Variants in PDGFRL observed in about 807,000 individuals in gnomAD.
The protein encoded by PDGFRL is platelet-derived growth factor receptor-like protein.
Under a neutral mutation model 37.2 loss-of-function variants are expected in PDGFRL, and 46 were observed. The ratio of observed to expected loss-of-function variants is 1.24; its 90% CI spans 0.98 to 1.58. PDGFRL has a LOEUF of 1.58. PDGFRL is among the 40% of genes most tolerant of loss of function. The pLI is 0.00. For missense variants in PDGFRL, 692 were observed against 467.6 expected (o/e 1.48, Z -4.43); for synonymous variants, 251 against 184.3 (o/e 1.36, Z -2.93).
chr8:17,596,831 G>C (rs148211797), intron 2 of PDGFRL, among the ~76,000 whole-genome samples: 1 of 152,194 alleles, frequency 6.6e-6, no homozygotes, highest in African/African-American at 2.4e-5. Flanking sequence ...AAGGGGGCAC[G>C]ATGTATTTCA....
At chr8:17,641,896 T>TCCCCTCCCCCCCCCCCCCCCCCCCCCC (rs144394170) in intron 5 of PDGFRL, among the ~76,000 whole-genome samples, 2 of 103,888 alleles carry the variant, frequency 1.9e-5, no homozygotes, top group Admixed American at 1.0e-4. Context: ...TCAATAGAGG[T>TCCCCTCCCCCCCCCCCCCCCCCCCCCC]CCCCGCCACA....
intron 5 of PDGFRL, among the ~76,000 whole-genome samples, chr8:17,640,489 T>C (rs995494991): frequency 6.6e-6 from 1 of 152,148 alleles, no homozygotes; most frequent in African/African-American, 2.4e-5. Flanking sequence ...TACAGTGCTC[T>C]CCCCCTTCCC....
chr8:17,596,079 G>C (rs530439666), intron 2 of PDGFRL, among the ~76,000 whole-genome samples: 1 of 152,088 alleles, frequency 6.6e-6, no homozygotes, highest in Non-Finnish European at 1.5e-5. Context: ...GCAGCCAATG[G>C]GAAGCAACCA....
chr8:17,638,933 C>T (rs946063672), intron 5 of PDGFRL, among the ~76,000 whole-genome samples: 1 of 151,510 alleles, frequency 6.6e-6, no homozygotes, highest in African/African-American at 2.4e-5. Flanking sequence ...CCTGTAATCC[C>T]AGCTACTAAG....
intron 3 of PDGFRL, among the ~76,000 whole-genome samples, chr8:17,626,982 T>G (rs1383080620): frequency 6.6e-6 from 1 of 152,164 alleles, no homozygotes. Flanking sequence ...CTGAGACTGA[T>G]GGGTTCCTCC....
chr8:17,632,037 G>C (rs949399488), intron 4 of PDGFRL, among the ~76,000 whole-genome samples: 2 of 152,148 alleles, frequency 1.3e-5, no homozygotes, highest in African/African-American at 4.8e-5. Flanking sequence ...CATCCTCCGC[G>C]TGCCATCCCT....
chr8:17,620,694 A>G (rs1193427204), intron 2 of PDGFRL, among the ~76,000 whole-genome samples: 1 of 152,220 alleles, frequency 6.6e-6, no homozygotes, highest in Non-Finnish European at 1.5e-5. Context: ...TAAAATCCAG[A>G]AATACGGTTA....
At chr8:17,612,758 A>G (rs1159466421) in intron 2 of PDGFRL, among the ~76,000 whole-genome samples, 3 of 152,188 alleles carry the variant, frequency 2.0e-5, no homozygotes, top group African/African-American at 7.2e-5. Context: ...GAGAAAGATC[A>G]CTGAAAACCC....
upstream of PDGFRL, chr8:17,577,202 C>T (rs1383089583): frequency 1.9e-6 from 3 of 1,587,602 alleles, no homozygotes; most frequent in African/African-American, 1.3e-5. Context: ...CCTGCGTCCC[C>T]GCCCCGCGCA....
At chr8:17,624,212 A>G (rs1804689947) in intron 3 of PDGFRL, among the ~76,000 whole-genome samples, 1 of 152,134 alleles carries the variant, frequency 6.6e-6, no homozygotes, top group South Asian at 2.1e-4. Context: ...TTCTTTCAGA[A>G]CATGTGTTTC....
At chr8:17,606,236 A>G (rs7002069) in intron 2 of PDGFRL, among the ~76,000 whole-genome samples, 3,759 of 152,212 alleles carry the variant, frequency 0.025, 130 homozygotes, top group African/African-American at 0.073. Context: ...ACAATTTACC[A>G]TATTAACCAT....
At chr8:17,621,712 A>G (rs889983258) in intron 3 of PDGFRL, among the ~76,000 whole-genome samples, 2 of 152,210 alleles carry the variant, frequency 1.3e-5, no homozygotes, top group East Asian at 1.9e-4. Flanking sequence ...TATCACAGAA[A>G]GTTCTATTGG....
intron 3 of PDGFRL, 62 bp downstream of exon 3, chr8:17,621,264 G>A (rs1197783047): frequency 8.6e-7 from 1 of 1,165,360 alleles, no homozygotes; most frequent in Non-Finnish European, 1.2e-6. Context: ...AGAGCTGAAG[G>A]TTCCCCCACT....
chr8:17,607,986 G>A (rs933992401), intron 2 of PDGFRL, among the ~76,000 whole-genome samples: 19 of 152,200 alleles, frequency 1.2e-4, no homozygotes, highest in Non-Finnish European at 5.9e-5. Flanking sequence ...CCACACAGCC[G>A]GCTGCAGGTG....
chr8:17,601,642 CCT>C (rs1333590169), intron 2 of PDGFRL, among the ~76,000 whole-genome samples: 1 of 152,024 alleles, frequency 6.6e-6, no homozygotes, highest in African/African-American at 2.4e-5. Context: ...CAAGTGGGCC[CCT>C]GTGTCTATAA....
intron 1 of PDGFRL, among the ~76,000 whole-genome samples, chr8:17,582,308 A>G (rs938862385): frequency 1.3e-5 from 2 of 152,110 alleles, no homozygotes; most frequent in African/African-American, 2.4e-5. Context: ...GCTTAGGATC[A>G]GCCGGGCAGG....
intron 3 of PDGFRL, among the ~76,000 whole-genome samples, chr8:17,625,614 G>A (rs559400287): frequency 1.3e-5 from 2 of 152,288 alleles, no homozygotes; most frequent in South Asian, 4.1e-4. Flanking sequence ...GCTACGGATT[G>A]CAAATATATT....
chr8:17,586,713 CAT>C (rs796065967), intron 1 of PDGFRL, among the ~76,000 whole-genome samples: 5 of 152,292 alleles, frequency 3.3e-5, no homozygotes, highest in African/African-American at 1.2e-4. Context: ...GCAGTTTTGA[CAT>C]ATTAACTCAT....
At chr8:17,599,334 T>C (rs1470515660) in intron 2 of PDGFRL, among the ~76,000 whole-genome samples, 2 of 152,226 alleles carry the variant, frequency 1.3e-5, no homozygotes, top group Non-Finnish European at 2.9e-5. Flanking sequence ...GTCCATTGTA[T>C]CATTCTTACG....
Sources: allele counts gnomAD v4.1 joint callset (sites outside exome capture counted in the v4.1 genomes callset), GRCh38; gene constraint gnomAD v4.1.1; transcripts MANE v1.5; gene names NCBI Gene and HGNC (gene_info 2026-07-23, HGNC 2026-07-21).